Variants in RGL1 observed in about 807,000 individuals in gnomAD.
The protein encoded by RGL1 is ral guanine nucleotide dissociation stimulator like 1.
RGL1 carries 24 observed loss-of-function variants against 95.2 expected under a neutral mutation model. The ratio of observed to expected loss-of-function variants is 0.25; its 90% CI spans 0.18 to 0.35. RGL1 has a LOEUF of 0.35. Among genes scored for constraint, RGL1 ranks in the 10% least tolerant of loss-of-function variants. The probability of loss-of-function intolerance (pLI) is 1.00; values close to 1 mark genes in which losing one functional copy is unlikely to be tolerated. For missense variants in RGL1, 715 were observed against 936.3 expected (o/e 0.76, Z 3.08); for synonymous variants, 329 against 344.9 (o/e 0.95, Z 0.51).
intron 1 of RGL1, among the ~76,000 whole-genome samples, chr1:183,684,011 T>C (rs1188760949): frequency 1.3e-5 from 2 of 152,174 alleles, no homozygotes; most frequent in African/African-American, 2.4e-5. Context: ...GTTTTTCAGC[T>C]CCATCAGGTC....
At chr1:183,900,323 G>A in intron 11 of RGL1, 87 bp downstream of exon 11, 1 of 1,067,388 alleles carries the variant, frequency 9.4e-7, no homozygotes, top group Non-Finnish European at 1.4e-6. Context: ...AGTATCTTTT[G>A]AAGGTCCAAA....
chr1:183,658,511 T>G (rs1572235552), intron 1 of RGL1, among the ~76,000 whole-genome samples: 1 of 150,782 alleles, frequency 6.6e-6, no homozygotes, highest in Admixed American at 6.6e-5. Context: ...GGGGGAGGGG[T>G]GCCCGCCATT....
At chr1:183,790,918 A>T (rs996448360) in intron 2 of RGL1, among the ~76,000 whole-genome samples, 1 of 44,320 alleles carries the variant, frequency 2.3e-5, no homozygotes, top group Admixed American at 3.1e-4. Context: ...TAGCACATGT[A>T]TGTGTACACA....
intron 7 of RGL1, among the ~76,000 whole-genome samples, 194 bp downstream of exon 7, chr1:183,885,132 C>G (rs1667042904): frequency 1.3e-5 from 2 of 152,140 alleles, no homozygotes; most frequent in Non-Finnish European, 2.9e-5. Context: ...ATTTATTTTC[C>G]TCTTTTTTAA....
chr1:183,637,536 T>G (rs1649628918), intron 1 of RGL1, among the ~76,000 whole-genome samples: 1 of 152,146 alleles, frequency 6.6e-6, no homozygotes, highest in African/African-American at 2.4e-5. Flanking sequence ...TTCTTTAAGT[T>G]CAAAAAAATA....
intron 1 of RGL1, among the ~76,000 whole-genome samples, chr1:183,673,544 A>T (rs2102059150): frequency 6.6e-6 from 1 of 152,288 alleles, no homozygotes; most frequent in African/African-American, 2.4e-5. Flanking sequence ...ATATTAACAA[A>T]TGCCCTCTGT....
intron 4 of RGL1, among the ~76,000 whole-genome samples, chr1:183,875,074 C>T (rs1430404146): frequency 1.3e-5 from 2 of 152,202 alleles, no homozygotes; most frequent in Non-Finnish European, 2.9e-5. Flanking sequence ...AAGACAAGAT[C>T]CAGTTCTCAG....
chr1:183,823,504 A>G (rs10911444), intron 2 of RGL1, among the ~76,000 whole-genome samples: 39,515 of 152,130 alleles, frequency 0.26, 5,815 homozygotes, highest in East Asian at 0.4. Flanking sequence ...TTTATTCAAC[A>G]TGGCTAAACA....
intron 11 of RGL1, among the ~76,000 whole-genome samples, 189 bp downstream of exon 11, chr1:183,900,425 T>C (rs1180253615): frequency 6.6e-6 from 1 of 152,178 alleles, no homozygotes; most frequent in Non-Finnish European, 1.5e-5. Flanking sequence ...GTGGAAGTAA[T>C]TAATATATCA....
chr1:183,769,238 T>C (rs1659156120), intron 2 of RGL1, among the ~76,000 whole-genome samples: 1 of 152,238 alleles, frequency 6.6e-6, no homozygotes, highest in African/African-American at 2.4e-5. Flanking sequence ...CTCAGCTATA[T>C]TCATTAAACC....
chr1:183,679,834 A>G (rs1653090099), intron 1 of RGL1, among the ~76,000 whole-genome samples: 2 of 152,170 alleles, frequency 1.3e-5, no homozygotes, highest in Non-Finnish European at 2.9e-5. Context: ...TCTCACTAAC[A>G]GTGTAAAAGT....
At chr1:183,708,273 G>A (rs1655041084) in intron 1 of RGL1, among the ~76,000 whole-genome samples, 1 of 152,056 alleles carries the variant, frequency 6.6e-6, no homozygotes, top group South Asian at 2.1e-4. Context: ...CAGGGAAAAG[G>A]AGACCATCCT....
At chr1:183,854,987 T>C (rs1235538790) in intron 3 of RGL1, among the ~76,000 whole-genome samples, 2 of 152,206 alleles carry the variant, frequency 1.3e-5, no homozygotes, top group Non-Finnish European at 2.9e-5. Context: ...GAAATTACCT[T>C]ATTTATCTTG....
At chr1:183,813,224 C>T (rs1158717626) in intron 2 of RGL1, among the ~76,000 whole-genome samples, 1 of 152,128 alleles carries the variant, frequency 6.6e-6, no homozygotes, top group East Asian at 1.9e-4. Flanking sequence ...TCCTGGCAGG[C>T]ACACTGGTTT....
intron 2 of RGL1, among the ~76,000 whole-genome samples, chr1:183,763,515 T>C (rs184819802): frequency 4.5e-4 from 68 of 152,358 alleles, no homozygotes; most frequent in African/African-American, 1.6e-3. Context: ...GGGCAGGGCC[T>C]CTGTCATAAT....
intron 4 of RGL1, among the ~76,000 whole-genome samples, chr1:183,876,142 G>A (rs555425801): frequency 1.1e-3 from 169 of 152,256 alleles, no homozygotes; most frequent in African/African-American, 3.8e-3. Context: ...GTGCTTCCCT[G>A]GGACCCTGGA....
chr1:183,693,186 C>A (rs577331842), intron 1 of RGL1, among the ~76,000 whole-genome samples: 2 of 152,246 alleles, frequency 1.3e-5, no homozygotes, highest in Admixed American at 1.3e-4. Context: ...AGTCTCCTGA[C>A]CTTGTGATCT....
chr1:183,747,964 TG>T (rs754860424), intron 2 of RGL1, among the ~76,000 whole-genome samples: 1 of 152,208 alleles, frequency 6.6e-6, no homozygotes, highest in Admixed American at 6.5e-5. Context: ...CATCTGGATC[TG>T]GGCTTTTTTT....
chr1:183,828,836 C>T (rs6703065), intron 2 of RGL1, among the ~76,000 whole-genome samples: 5 of 149,504 alleles, frequency 3.3e-5, no homozygotes, highest in Non-Finnish European at 6.0e-5. Flanking sequence ...TGCTTCTACT[C>T]GGAATAAAAC....
Sources: allele counts gnomAD v4.1 joint callset (sites outside exome capture counted in the v4.1 genomes callset), GRCh38; gene constraint gnomAD v4.1.1; transcripts MANE v1.5; gene names NCBI Gene and HGNC (gene_info 2026-07-23, HGNC 2026-07-21).